ERBB4: variants seen among roughly 807,000 people sequenced by gnomAD.
ERBB4 encodes the protein erb-b2 receptor tyrosine kinase 4.
ERBB4 carries 42 observed loss-of-function variants against 158.0 expected under a neutral mutation model. The observed-to-expected ratio is 0.27, with a 90% confidence interval of 0.21 to 0.34. The LOEUF is 0.34. Ranked by LOEUF, ERBB4 falls within the 10% of genes least tolerant of loss-of-function variation. The pLI is 1.00. For missense variants in ERBB4, 1,333 were observed against 1,624.1 expected (o/e 0.82, Z 3.08); for synonymous variants, 583 against 558.7 (o/e 1.04, Z -0.61).
chr2:212,164,325 AAAC>A (rs1197719016), intron 1 of ERBB4, among the ~76,000 whole-genome samples: 8 of 152,050 alleles, frequency 5.3e-5, no homozygotes, highest in Admixed American at 2.0e-4. Context: ...AAAGTATCGA[AAAC>A]AACATTTTAA....
intron 3 of ERBB4, among the ~76,000 whole-genome samples, chr2:211,902,285 A>C (rs747143713): frequency 3.3e-5 from 5 of 152,152 alleles, no homozygotes; most frequent in Non-Finnish European, 5.9e-5. Flanking sequence ...GTTTCTAATG[A>C]AACGGTATAA....
At chr2:211,628,683 C>T (rs1399746263) in intron 17 of ERBB4, among the ~76,000 whole-genome samples, 2 of 152,090 alleles carry the variant, frequency 1.3e-5, no homozygotes, top group African/African-American at 2.4e-5. Context: ...GGGTATATAC[C>T]CAGTAATGGG....
chr2:211,596,723 C>T (rs548034235), intron 19 of ERBB4, among the ~76,000 whole-genome samples: 6 of 152,094 alleles, frequency 3.9e-5, no homozygotes, highest in African/African-American at 1.2e-4. Flanking sequence ...CCTTCTCCTA[C>T]ATGTGTAACA....
chr2:212,531,590 A>C (rs1436647753), intron 1 of ERBB4, among the ~76,000 whole-genome samples: 1 of 152,206 alleles, frequency 6.6e-6, no homozygotes, highest in Admixed American at 6.5e-5. Context: ...AAAGGTCTCC[A>C]TCAACTAACT....
At chr2:211,516,254 T>C (rs769499294) in intron 20 of ERBB4, among the ~76,000 whole-genome samples, 9 of 151,990 alleles carry the variant, frequency 5.9e-5, no homozygotes, top group African/African-American at 7.2e-5. Context: ...GCCATATCTG[T>C]AGGTAACACA....
At chr2:212,345,571 G>A (rs987885139) in intron 1 of ERBB4, among the ~76,000 whole-genome samples, 5 of 151,914 alleles carry the variant, frequency 3.3e-5, no homozygotes, top group South Asian at 2.1e-4. Context: ...CACTTCTCTC[G>A]GACAATAAGT....
intron 3 of ERBB4, among the ~76,000 whole-genome samples, chr2:211,829,125 C>T (rs2077166280): frequency 6.6e-6 from 1 of 152,104 alleles, no homozygotes; most frequent in Admixed American, 6.6e-5. Flanking sequence ...AATTACCTGT[C>T]AGCTTAAAGC....
intron 5 of ERBB4, among the ~76,000 whole-genome samples, chr2:211,738,812 G>A (rs1371842091): frequency 6.6e-6 from 1 of 150,724 alleles, no homozygotes; most frequent in East Asian, 2.0e-4. Context: ...GATTACAGGT[G>A]CTCACCACCA....
chr2:212,525,088 T>C (rs1692377588), intron 1 of ERBB4, among the ~76,000 whole-genome samples: 1 of 152,052 alleles, frequency 6.6e-6, no homozygotes, highest in South Asian at 2.1e-4. Flanking sequence ...AGAAATACAC[T>C]ACTTGAATAT....
chr2:212,020,255 G>A (rs1226163916), intron 2 of ERBB4, among the ~76,000 whole-genome samples: 4 of 151,852 alleles, frequency 2.6e-5, no homozygotes, highest in Admixed American at 6.6e-5. Context: ...ACAATCCTAC[G>A]CTTCATCTTT....
chr2:211,536,595 CAAAGA>C (rs1055972822), intron 20 of ERBB4, among the ~76,000 whole-genome samples: 12 of 151,918 alleles, frequency 7.9e-5, no homozygotes, highest in African/African-American at 2.9e-4. Context: ...GAGAATATCC[CAAAGA>C]AAAGGGAGAA....
intron 1 of ERBB4, among the ~76,000 whole-genome samples, chr2:212,185,027 T>TTTTTC (rs1171485609): frequency 3.5e-4 from 50 of 141,786 alleles, no homozygotes; most frequent in Non-Finnish European, 3.9e-4. Flanking sequence ...TTTTCTTTTT[T>TTTTTC]TTTTTTCTTT....
chr2:212,088,599 G>T (rs932211660), intron 2 of ERBB4, among the ~76,000 whole-genome samples: 1 of 151,984 alleles, frequency 6.6e-6, no homozygotes, highest in Non-Finnish European at 1.5e-5. Context: ...AGAGTCTCAG[G>T]ATATCATTAC....
At chr2:212,026,279 A>G (rs1372036193) in intron 2 of ERBB4, among the ~76,000 whole-genome samples, 1 of 151,748 alleles carries the variant, frequency 6.6e-6, no homozygotes, top group African/African-American at 2.4e-5. Context: ...TATCACACAT[A>G]TAGGTTTTTC....
At chr2:211,518,367 A>G (rs1402840831) in intron 20 of ERBB4, among the ~76,000 whole-genome samples, 2 of 142,822 alleles carry the variant, frequency 1.4e-5, no homozygotes, top group African/African-American at 5.4e-5. Flanking sequence ...TTGGAAACAC[A>G]CTAGGTCAAG....
intron 25 of ERBB4, among the ~76,000 whole-genome samples, chr2:211,417,810 T>A (rs536777521): frequency 6.6e-6 from 1 of 152,298 alleles, no homozygotes; most frequent in South Asian, 2.1e-4. Flanking sequence ...AAAGTGTGAT[T>A]ATTTATGATA....
In ERBB4 at chr2:212,304,815, T is replaced by TA. The variant is rs928146809; in HGVS notation, c.83-179913dup. Among the ~76,000 whole-genome samples the TA allele has an allele frequency of 6.6e-5, 10 of 151,292 alleles. No individual in the cohort carries two copies. The East Asian group carries it at 7.8e-4, about 12-fold the overall frequency. ...AGAGAAGAAATATTGAAACCTACAA[T>TA]AAAAAAACAGTGTCTAGAAACCTAA... On this transcript the variant is annotated intron_variant, in intron 1 of 27. Transcript: ENST00000342788.
At chr2:212,044,346 A>C (rs1365535379) in intron 2 of ERBB4, among the ~76,000 whole-genome samples, 1 of 152,198 alleles carries the variant, frequency 6.6e-6, no homozygotes, top group Non-Finnish European at 1.5e-5. Context: ...TATAAGTACA[A>C]GTTTATTTTA....
intron 1 of ERBB4, among the ~76,000 whole-genome samples, chr2:212,422,934 T>G (rs910100379): frequency 2.6e-5 from 4 of 152,236 alleles, no homozygotes; most frequent in African/African-American, 9.6e-5. Flanking sequence ...CAGTCATTGC[T>G]AACAGCTGGT....
Sources: gnomAD v4.1 joint callset for allele counts (sites outside exome capture counted in the v4.1 genomes callset) on GRCh38, gnomAD v4.1.1 for gene constraint, MANE v1.5 for transcripts, NCBI Gene and HGNC (gene_info 2026-07-23, HGNC 2026-07-21) for gene names.